Variants in CTNNA2 observed in about 807,000 individuals in gnomAD.
CTNNA2 encodes the protein catenin alpha-2.
A neutral mutation model predicts 101.0 loss-of-function variants in CTNNA2; 42 were observed. The observed-to-expected ratio is 0.42, with a 90% confidence interval of 0.32 to 0.54. The LOEUF (loss-of-function observed/expected upper bound fraction) is 0.54. Ranked by LOEUF, CTNNA2 falls within the 20% of genes least tolerant of loss-of-function variation. The pLI is 0.14. For missense variants in CTNNA2, 871 were observed against 1,223.1 expected (o/e 0.71, Z 4.29); for synonymous variants, 450 against 456.4 (o/e 0.99, Z 0.18).
intron 2 of CTNNA2, among the ~76,000 whole-genome samples, chr2:79,718,628 C>T (rs879459053): frequency 6.6e-6 from 1 of 152,140 alleles, no homozygotes; most frequent in African/African-American, 2.4e-5. Flanking sequence ...TTGGATTACC[C>T]TTGTTGTCTT....
At chr2:80,420,183 A>C (rs775649314) in intron 9 of CTNNA2, among the ~76,000 whole-genome samples, 18 of 152,108 alleles carry the variant, frequency 1.2e-4, no homozygotes, top group Non-Finnish European at 2.5e-4. Flanking sequence ...GTTGTTTTAT[A>C]AATGCAAAAT....
At chr2:79,500,924 C>T (rs892262904) in intron 4 of CTNNA2, 3 of 152,144 alleles carry the variant, frequency 2.0e-5, no homozygotes, top group African/African-American at 7.2e-5. Context: ...CTGATTACAC[C>T]GTTTTGTCAC....
At chr2:79,734,970 G>A (rs1670768120) in intron 2 of CTNNA2, among the ~76,000 whole-genome samples, 1 of 152,166 alleles carries the variant, frequency 6.6e-6, no homozygotes, top group Non-Finnish European at 1.5e-5. Context: ...ATTGAGGTAA[G>A]TGGTATCACA....
In CTNNA2 at chr2:79,573,757, T is replaced by A. The variant is rs1309612235; in HGVS notation, c.-6+60550T>A. 6 of 152,216 alleles carry A rather than the reference T, an allele frequency of 3.9e-5. No individual in the cohort carries two copies. The East Asian group carries it at 9.6e-4, about 24-fold the overall frequency. 9.4% of individuals were successfully genotyped at this position (152,216 alleles called of 1,614,324 possible). A position where few individuals can be genotyped will look rare whatever the true frequency, so the allele number is the denominator to read the frequency against. Reference sequence around the variant, plus strand: ...TATCTTAAATAATAGTATCTTCATTTCATGGAAATTAATGGGGGTGTTTTC... The same window carrying A: ...TATCTTAAATAATAGTATCTTCATTACATGGAAATTAATGGGGGTGTTTTC... On this transcript the variant is annotated intron_variant, in intron 1 of 18. Coordinates refer to ENST00000402739, the MANE Select transcript of CTNNA2 (RefSeq NM_001282597.3).
At chr2:79,637,652 G>C (rs541809373) in intron 1 of CTNNA2, among the ~76,000 whole-genome samples, 9 of 152,274 alleles carry the variant, frequency 5.9e-5, no homozygotes, top group African/African-American at 2.2e-4. Context: ...TAAACACTCA[G>C]TTATCTTAAA....
At chr2:80,561,448 A>G (rs765574783) in intron 12 of CTNNA2, among the ~76,000 whole-genome samples, 4 of 152,172 alleles carry the variant, frequency 2.6e-5, no homozygotes, top group Non-Finnish European at 5.9e-5. Flanking sequence ...CTAAAAGCAA[A>G]TGCAAGGTTT....
intron 9 of CTNNA2, among the ~76,000 whole-genome samples, chr2:80,518,966 C>T (rs985995576): frequency 7.8e-6 from 1 of 128,744 alleles, no homozygotes; most frequent in Non-Finnish European, 1.6e-5. Context: ...AATTTACTTA[C>T]TAACACATAA....
intron 4 of CTNNA2, among the ~76,000 whole-genome samples, chr2:79,466,251 G>T (rs928035750): frequency 6.6e-6 from 1 of 152,182 alleles, no homozygotes; most frequent in African/African-American, 2.4e-5. Context: ...TGGCTTGGAG[G>T]GTCCCATGCC....
intron 7 of CTNNA2, among the ~76,000 whole-genome samples, chr2:80,097,084 G>A (rs1284762675): frequency 6.6e-6 from 1 of 152,178 alleles, no homozygotes; most frequent in Non-Finnish European, 1.5e-5. Flanking sequence ...GTTAGTTGAT[G>A]CAGTTTCTTC....
chr2:79,291,942 G>A (rs1048130030), intron 2 of CTNNA2, among the ~76,000 whole-genome samples: 2 of 152,186 alleles, frequency 1.3e-5, no homozygotes, highest in East Asian at 1.9e-4. Flanking sequence ...TATTAGTAAC[G>A]GGATTGAGGG....
At chr2:80,601,421 CT>C (rs56921519) in intron 15 of CTNNA2, among the ~76,000 whole-genome samples, 50 of 84,370 alleles carry the variant, frequency 5.9e-4, no homozygotes, top group South Asian at 8.0e-4. Flanking sequence ...TTCTTTCTTT[CT>C]TTTTTTTTTT....
In CTNNA2 at chr2:79,421,475, G is replaced by A. The variant is rs1240232844; in HGVS notation, c.-135+47462G>A. ...TTACTGGACCTCCAGGTGTAATAGAGCTAATGAACTGTTTGGACAAGTTAA... is the reference window on the plus strand; with the variant it reads ...TTACTGGACCTCCAGGTGTAATAGAACTAATGAACTGTTTGGACAAGTTAA... On this transcript the variant is annotated intron_variant, in intron 4 of 21. Transcript: ENST00000466387. 2.0e-5 allele frequency among the ~76,000 whole-genome samples: 3 copies of A among 152,250 alleles called. No homozygotes were observed. In the East Asian group the frequency reaches 5.8e-4, roughly 29 times the overall value.
intron 7 of CTNNA2, among the ~76,000 whole-genome samples, chr2:80,123,875 A>G (rs535863092): frequency 6.6e-6 from 1 of 152,238 alleles, no homozygotes; most frequent in South Asian, 2.1e-4. Flanking sequence ...TCTCTAGTTT[A>G]GTAAAGAAAT....
At chr2:80,118,562 T>C (rs1701655574) in intron 7 of CTNNA2, among the ~76,000 whole-genome samples, 1 of 152,238 alleles carries the variant, frequency 6.6e-6, no homozygotes, top group Admixed American at 6.5e-5. Context: ...AAATGCAAGC[T>C]GTGTGAAATT....
chr2:79,294,157 C>T (rs1675906242), intron 2 of CTNNA2, among the ~76,000 whole-genome samples: 2 of 150,742 alleles, frequency 1.3e-5, no homozygotes, highest in South Asian at 2.1e-4. Context: ...CTTTCTGTGT[C>T]CTCGCATGGC....
chr2:80,433,926 G>A (rs1185004689), intron 9 of CTNNA2, among the ~76,000 whole-genome samples: 1 of 152,192 alleles, frequency 6.6e-6, no homozygotes, highest in Admixed American at 6.5e-5. Context: ...CTGGAAATTT[G>A]AGAGTAACAA....
intron 7 of CTNNA2, among the ~76,000 whole-genome samples, chr2:80,214,351 C>A (rs544072175): frequency 1.3e-5 from 2 of 152,156 alleles, no homozygotes; most frequent in African/African-American, 4.8e-5. Flanking sequence ...TGGCTGGTAC[C>A]AGTTGTTCCT....
chr2:80,631,530 A>G (rs1366235811), intron 18 of CTNNA2, among the ~76,000 whole-genome samples: 1 of 152,084 alleles, frequency 6.6e-6, no homozygotes, highest in African/African-American at 2.4e-5. Flanking sequence ...CAAAGAGATG[A>G]TATTTCCAGT....
At chr2:79,965,247 T>C (rs1237533985) in intron 7 of CTNNA2, among the ~76,000 whole-genome samples, 1 of 152,190 alleles carries the variant, frequency 6.6e-6, no homozygotes, top group Non-Finnish European at 1.5e-5. Context: ...GCAACCTTTT[T>C]CTGCCAGGCT....
Sources: allele counts gnomAD v4.1 joint callset (sites outside exome capture counted in the v4.1 genomes callset), GRCh38; gene constraint gnomAD v4.1.1; transcripts MANE v1.5; gene names NCBI Gene and HGNC (gene_info 2026-07-23, HGNC 2026-07-21).